The following STIM1 variants were observed in gnomAD, a reference collection of about 807,000 sequenced individuals.
STIM1 encodes the protein stromal interaction molecule 1.
Under a neutral mutation model 74.7 loss-of-function variants are expected in STIM1, and 25 were observed. That is an observed-to-expected ratio of 0.33 (90% CI 0.24 to 0.47). STIM1 has a LOEUF of 0.47. STIM1 is among the 20% of genes least tolerant of loss of function. The pLI is 1.00. For synonymous variants in STIM1, 328 were observed against 348.8 expected (o/e 0.94, Z 0.66); for missense variants, 728 against 920.8 (o/e 0.79, Z 2.71).
At position 4,091,770 on chromosome 11, in the gene STIM1, A is replaced by G. The variant is rs2133266402; in HGVS notation, c.2123A>G (p.Lys708Arg). The change falls in exon 13 of 13, where the codon AAA (lysine) becomes AGA (arginine). Residue 708 changes from lysine (K) to arginine (R), a missense_variant. Physicochemically the swap from Lys to Arg is conservative, Grantham distance 26. Around this residue, in one of 5 missense-constraint regions of STIM1, gnomAD observed 352 missense variants for 370.1 expected, o/e 0.95. Coordinates refer to ENST00000526596, the MANE Select transcript of STIM1 (RefSeq NM_001382567.1). ...SSPGRKKFPL[K>R]IFKKPLKK is the part of the protein sequence containing the mutation. ...CCAGGCCGGAAGAAGTTTCCCCTCA[A>G]AATCTTTAAGAAGCCTCTTAAGAAG... 1 of 1,608,796 alleles carries G rather than the reference A, an allele frequency of 6.2e-7. No individual in the cohort carries two copies. The highest frequency in any genetic ancestry group is 8.5e-7 in the Non-Finnish European group (1 of 1,180,000).
chr11:3,874,498 A>G (rs2091247084), intron 1 of STIM1, among the ~76,000 whole-genome samples: 2 of 152,248 alleles, frequency 1.3e-5, no homozygotes, highest in South Asian at 4.1e-4. Flanking sequence ...TACAGGCTGT[A>G]AGCAACTAAA....
At chr11:3,922,615 A>T (rs1353989897) in intron 1 of STIM1, 4 of 160,894 alleles carry the variant, frequency 2.5e-5, no homozygotes, top group African/African-American at 9.6e-5. Context: ...TGCCTGCTTC[A>T]CAAAGGGAGG....
At chr11:4,062,886 A>C (rs2094340564) in intron 5 of STIM1, among the ~76,000 whole-genome samples, 1 of 152,000 alleles carries the variant, frequency 6.6e-6, no homozygotes, top group Admixed American at 6.6e-5. Flanking sequence ...ATGAATGGAA[A>C]AAAAATGGTA....
At chr11:3,922,982 C>T (rs1266085963) in intron 1 of STIM1, among the ~76,000 whole-genome samples, 1 of 151,834 alleles carries the variant, frequency 6.6e-6, no homozygotes, top group Non-Finnish European at 1.5e-5. Context: ...GCCTGTGGTC[C>T]CAGCTACTCG....
chr11:3,994,426 T>A (rs1225285349), intron 2 of STIM1, among the ~76,000 whole-genome samples: 7 of 152,032 alleles, frequency 4.6e-5, no homozygotes, highest in African/African-American at 1.7e-4. Context: ...TTTTCAGCCA[T>A]TATTTCTTTG....
intron 3 of STIM1, among the ~76,000 whole-genome samples, chr11:4,054,478 G>A (rs1399047951): frequency 6.6e-6 from 1 of 152,190 alleles, no homozygotes; most frequent in Non-Finnish European, 1.5e-5. Flanking sequence ...TGAGTGGTGG[G>A]TGAGGGAGTA....
At chr11:3,930,911 CT>C in intron 1 of STIM1, among the ~76,000 whole-genome samples, 1 of 152,306 alleles carries the variant, frequency 6.6e-6, no homozygotes, top group East Asian at 1.9e-4. Context: ...TTCAATCATT[CT>C]TTTAACATAC....
intron 1 of STIM1, among the ~76,000 whole-genome samples, chr11:3,889,846 G>T (rs556468354): frequency 6.6e-6 from 1 of 152,098 alleles, no homozygotes; most frequent in African/African-American, 2.4e-5. Flanking sequence ...TATAGATAAG[G>T]ATAATATAAG....
At chr11:4,086,619 A>T in intron 12 of STIM1, 76 bp downstream of exon 12, 1 of 1,594,542 alleles carries the variant, frequency 6.3e-7, no homozygotes, top group South Asian at 1.1e-5. Flanking sequence ...TTTCATCTGG[A>T]CAGTCTTTCA....
chr11:3,948,122 C>G (rs1195777444), intron 1 of STIM1, among the ~76,000 whole-genome samples: 1 of 152,152 alleles, frequency 6.6e-6, no homozygotes, highest in Non-Finnish European at 1.5e-5. Flanking sequence ...GCTCAATACT[C>G]TGACCTCAAA....
chr11:4,025,534 C>A (rs1171146214), intron 3 of STIM1, among the ~76,000 whole-genome samples: 1 of 152,156 alleles, frequency 6.6e-6, no homozygotes, highest in Non-Finnish European at 1.5e-5. Context: ...CTTCCATTAG[C>A]ATCATTTAGT....
intron 3 of STIM1, among the ~76,000 whole-genome samples, chr11:4,031,043 A>G (rs989359736): frequency 6.6e-6 from 1 of 152,198 alleles, no homozygotes; most frequent in Non-Finnish European, 1.5e-5. Context: ...AAGTTTTCTC[A>G]TAGTCCTTTG....
intron 3 of STIM1, among the ~76,000 whole-genome samples, chr11:4,047,839 G>C (rs1354783694): frequency 1.5e-5 from 2 of 137,724 alleles, no homozygotes; most frequent in African/African-American, 5.4e-5. Context: ...TTTTTTTTGA[G>C]ATGGAGTCTC....
intron 1 of STIM1, among the ~76,000 whole-genome samples, chr11:3,910,342 G>A (rs2092541117): frequency 6.6e-6 from 1 of 152,204 alleles, no homozygotes; most frequent in African/African-American, 2.4e-5. Flanking sequence ...AAAGCCAAAA[G>A]TATCTGGCGT....
In STIM1 at chr11:3,856,144, C is replaced by A; in HGVS notation, c.-127C>A. 1 of 1,315,950 alleles carries A rather than the reference C, an allele frequency of 7.6e-7. No homozygotes were observed. The highest frequency in any genetic ancestry group is 1.8e-5 in the Admixed American group (1 of 56,938). The allele number at this position is 1,315,950 out of a possible 1,614,324, so 81.5% of individuals were successfully genotyped here. A position where few individuals can be genotyped will look rare whatever the true frequency, so the allele number is the denominator to read the frequency against. ...TTGGAGGGGGCAGGCTCGCGGGTGGCTGGACAGCTGCGGAGCCGCGAGGGC... is the reference window on the plus strand; with the variant it reads ...TTGGAGGGGGCAGGCTCGCGGGTGGATGGACAGCTGCGGAGCCGCGAGGGC... On this transcript the variant is annotated 5_prime_UTR_variant, in exon 1 of 13. In the 5' UTR this introduces an upstream ATG that the reference lacks. Coordinates refer to ENST00000526596, the MANE Select transcript of STIM1 (RefSeq NM_001382567.1).
chr11:3,879,937 T>G (rs2091439015), intron 1 of STIM1, among the ~76,000 whole-genome samples: 1 of 152,212 alleles, frequency 6.6e-6, no homozygotes, highest in African/African-American at 2.4e-5. Flanking sequence ...GAGAATTCTC[T>G]TTCTGTGGCT....
chr11:4,048,891 G>A (rs1427034359), intron 3 of STIM1, among the ~76,000 whole-genome samples: 1 of 151,746 alleles, frequency 6.6e-6, no homozygotes, highest in East Asian at 1.9e-4. Context: ...CCGCCACCAC[G>A]CCCAGTTAAT....
intron 1 of STIM1, among the ~76,000 whole-genome samples, chr11:3,906,516 A>G (rs765725953): frequency 2.0e-5 from 3 of 152,208 alleles, no homozygotes; most frequent in Non-Finnish European, 4.4e-5. Flanking sequence ...AGATTTGCCA[A>G]TTCTAAAGCG....
intron 2 of STIM1, among the ~76,000 whole-genome samples, chr11:3,975,805 A>G (rs115577325): frequency 2.4e-3 from 373 of 152,342 alleles, no homozygotes; most frequent in African/African-American, 8.4e-3. Flanking sequence ...AGGTATCACC[A>G]CATGCCTGTT....
Sources: allele counts gnomAD v4.1 joint callset (sites outside exome capture counted in the v4.1 genomes callset), GRCh38; gene constraint gnomAD v4.1.1; regional missense constraint gnomAD v4.1.1; transcripts MANE v1.5; gene names NCBI Gene and HGNC (gene_info 2026-07-23, HGNC 2026-07-21).